Variants in SLC39A10 observed in about 807,000 individuals in gnomAD.
The protein encoded by SLC39A10 is zinc transporter ZIP10.
In SLC39A10, 13 loss-of-function variants were observed where a neutral mutation model predicts 65.1. The observed-to-expected ratio is 0.20, with a 90% CI of 0.13 to 0.32. The LOEUF (loss-of-function observed/expected upper bound fraction) is 0.32. Among genes scored for constraint, SLC39A10 ranks in the 10% least tolerant of loss-of-function variants. SLC39A10 has a pLI of 1.00. For synonymous variants in SLC39A10, 321 were observed against 342.2 expected (o/e 0.94, Z 0.68); for missense variants, 831 against 1,018.4 (o/e 0.82, Z 2.50).
At position 195,683,791 on chromosome 2, in the gene SLC39A10, G is replaced by T; in HGVS notation, c.1101G>T (p.Leu367Phe). The change falls in exon 3 of 10, where the codon TTG becomes TTT. Residue 367 changes from leucine to phenylalanine, a missense_variant. This residue lies in a region of SLC39A10 where 446 missense variants were observed against 499.2 expected (regional missense o/e 0.89). Coordinates refer to ENST00000359634, the MANE Select transcript of SLC39A10 (RefSeq NM_020342.3). ...TATTTACATACCTTTGCCCTGCATT[G>T]TTATATCAAATCGACAGCAGACTTT... Reference protein sequence around the residue: ...TDLFTYLCPALLYQIDSRLCI... With the variant: ...TDLFTYLCPAFLYQIDSRLCI... The T allele has an allele frequency of 6.2e-7, 1 of 1,613,218 alleles. No homozygotes were observed.
intron 8 of SLC39A10, among the ~76,000 whole-genome samples, chr2:195,719,701 T>C (rs1384190447): frequency 1.3e-5 from 2 of 151,604 alleles, no homozygotes; most frequent in Non-Finnish European, 2.9e-5. Context: ...CACTTCAGCC[T>C]CTGTCCCCTG....
chr2:195,727,526 T>C, intron 8 of SLC39A10, among the ~76,000 whole-genome samples: 1 of 109,914 alleles, frequency 9.1e-6, no homozygotes, highest in South Asian at 2.8e-4. Context: ...AAAGTTTTTC[T>C]TTCTGGGAAA....
chr2:195,621,831 A>C (rs1688354853), intron 2 of SLC39A10, among the ~76,000 whole-genome samples: 1 of 152,230 alleles, frequency 6.6e-6, no homozygotes, highest in Admixed American at 6.5e-5. Flanking sequence ...AGTGATCAAC[A>C]TACCACACAT....
intron 2 of SLC39A10, among the ~76,000 whole-genome samples, chr2:195,623,615 A>T (rs1404966138): frequency 6.6e-6 from 1 of 152,212 alleles, no homozygotes; most frequent in African/African-American, 2.4e-5. Context: ...CATTAATTGG[A>T]TGCTTTAGCA....
chr2:195,669,559 T>A (rs1007170144), intron 1 of SLC39A10, among the ~76,000 whole-genome samples: 6 of 152,230 alleles, frequency 3.9e-5, no homozygotes, highest in African/African-American at 7.2e-5. Context: ...TAAGACAAAA[T>A]ATCTGTAGGA....
At chr2:195,726,174 A>C (rs1692232548) in intron 8 of SLC39A10, among the ~76,000 whole-genome samples, 1 of 152,218 alleles carries the variant, frequency 6.6e-6, no homozygotes, top group African/African-American at 2.4e-5. Flanking sequence ...GAAGGAACTT[A>C]AACCATCTTG....
intron 3 of SLC39A10, among the ~76,000 whole-genome samples, chr2:195,697,582 C>G (rs1268421752): frequency 1.3e-5 from 2 of 152,064 alleles, no homozygotes; most frequent in Admixed American, 6.6e-5. Flanking sequence ...CTGTCCCTCC[C>G]CACCTTCACC....
intron 2 of SLC39A10, among the ~76,000 whole-genome samples, chr2:195,615,711 T>C (rs1054045372): frequency 6.6e-6 from 1 of 152,232 alleles, no homozygotes. Flanking sequence ...ATTTTCTGAA[T>C]TAAATACCTT....
At chr2:195,669,399 T>A (rs1247626299) in intron 1 of SLC39A10, among the ~76,000 whole-genome samples, 1 of 152,208 alleles carries the variant, frequency 6.6e-6, no homozygotes, top group African/African-American at 2.4e-5. Context: ...GCCACAGACT[T>A]GAAATAACAG....
In SLC39A10 at chr2:195,678,878, G is replaced by A. The variant is rs569412264; in HGVS notation, c.-11-1154G>A. Reference sequence around the variant, plus strand: ...AAATTATAATATTTTGGATATAATGGGTTAAATAGAATAGTATGAAATTAG... The same window carrying A: ...AAATTATAATATTTTGGATATAATGAGTTAAATAGAATAGTATGAAATTAG... On this transcript the variant is annotated intron_variant, in intron 1 of 9. Transcript: ENST00000359634. Among the ~76,000 whole-genome samples the A allele has an allele frequency of 1.2e-3, 183 of 151,898 alleles. 1 individual carries two copies. The highest frequency in any genetic ancestry group is 4.1e-3 in the African/African-American group (172 of 41,458).
intron 1 of SLC39A10, chr2:195,658,049 C>G (rs564616581): frequency 6.6e-6 from 1 of 152,380 alleles, no homozygotes; most frequent in Non-Finnish European, 1.5e-5. Context: ...CGGCTTTGTT[C>G]CGGAAAGCCC....
intron 1 of SLC39A10, among the ~76,000 whole-genome samples, chr2:195,677,031 T>C (rs1161575835): frequency 6.6e-6 from 1 of 152,266 alleles, no homozygotes; most frequent in East Asian, 1.9e-4. Context: ...ACAATGTTGT[T>C]TATAATTACA....
chr2:195,630,151 T>TG, intron 2 of SLC39A10, among the ~76,000 whole-genome samples: 1 of 144,952 alleles, frequency 6.9e-6, no homozygotes, highest in South Asian at 2.1e-4. Flanking sequence ...TGGGTTTTTT[T>TG]TTTTTTTTTT....
At chr2:195,678,555 T>C (rs1047569840) in intron 1 of SLC39A10, among the ~76,000 whole-genome samples, 2 of 150,112 alleles carry the variant, frequency 1.3e-5, no homozygotes, top group Non-Finnish European at 3.0e-5. Context: ...CCTGCCTTTT[T>C]AGTTAGGTTT....
At chr2:195,683,635 TA>T (rs1690416076) in intron 2 of SLC39A10, 63 bp from the exon 3 acceptor site, 1 of 1,240,104 alleles carries the variant, frequency 8.1e-7, no homozygotes, top group East Asian at 2.3e-5. Flanking sequence ...GGCAGTAATT[TA>T]TTTTTTTGCA....
At chr2:195,688,556 A>T (rs1290475621) in intron 3 of SLC39A10, among the ~76,000 whole-genome samples, 7 of 152,192 alleles carry the variant, frequency 4.6e-5, no homozygotes, top group East Asian at 1.9e-4. Flanking sequence ...AAGTTTTTTT[A>T]AAATTAATAA....
At chr2:195,648,801 T>C (rs1688976264) in intron 2 of SLC39A10, among the ~76,000 whole-genome samples, 1 of 152,172 alleles carries the variant, frequency 6.6e-6, no homozygotes, top group Non-Finnish European at 1.5e-5. Flanking sequence ...TCTTCATTTG[T>C]GAAATAGACA....
Position 195,674,724 on chromosome 2 carries a change from A to AACATG in SLC39A10, c.-11-5304_-11-5303insGACAT, listed in dbSNP as rs552224825. The AACATG allele has an allele frequency of 9.8e-4, 843 of 861,694 alleles. 1 individual carries two copies. Among genetic ancestry groups the AACATG allele is most frequent in the Admixed American group, 1.6e-3 (25 of 16,118 alleles). 53.4% of individuals were successfully genotyped at this position (861,694 alleles called of 1,614,324 possible). On this transcript the variant is annotated intron_variant, in intron 1 of 9. Transcript: ENST00000359634. ...GCTTAGGTGATTTTGTCATTGTGTGAACATCATAGAGTATACTTAGACAAA... is the reference window on the plus strand; with the variant it reads ...GCTTAGGTGATTTTGTCATTGTGTGAACATGACATCATAGAGTATACTTAGACAAA...
chr2:195,705,636 CCT>C (rs1265654081), intron 3 of SLC39A10, among the ~76,000 whole-genome samples: 3 of 152,002 alleles, frequency 2.0e-5, no homozygotes, highest in South Asian at 2.1e-4. Flanking sequence ...GATTTATAGT[CCT>C]CTTAGATTTG....
Sources: allele counts gnomAD v4.1 joint callset (sites outside exome capture counted in the v4.1 genomes callset), GRCh38; gene constraint gnomAD v4.1.1; regional missense constraint gnomAD v4.1.1; transcripts MANE v1.5; gene names NCBI Gene and HGNC (gene_info 2026-07-23, HGNC 2026-07-21).